RTP2: variants seen among roughly 807,000 people sequenced by gnomAD.
RTP2 encodes receptor-transporting protein 2.
Under a neutral mutation model 17.9 loss-of-function variants are expected in RTP2, and 12 were observed. The ratio of observed to expected loss-of-function variants is 0.67; its 90% CI spans 0.43 to 1.09. RTP2 has a LOEUF of 1.09. RTP2 is among the 50% of genes least tolerant of loss of function. The probability of loss-of-function intolerance (pLI) is 0.00; values close to 1 mark genes in which losing one functional copy is unlikely to be tolerated. For missense variants in RTP2, 327 were observed against 295.7 expected, an observed-to-expected ratio of 1.11 and a Z score of -0.78; for synonymous variants, 126 against 117.7, an observed-to-expected ratio of 1.07 and a Z score of -0.46.
At chr3:187,711,447 G>A in the RTP2 span, among the ~76,000 whole-genome samples, 1 of 152,136 alleles carries the variant, frequency 6.6e-6, no homozygotes, top group Non-Finnish European at 1.5e-5. Flanking sequence ...TGTTTTGAAG[G>A]AATTTTTTAA....
At chr3:187,700,269 G>T (rs527946044) in intron 1 of RTP2, among the ~76,000 whole-genome samples, 110 of 152,230 alleles carry the variant, frequency 7.2e-4, no homozygotes, top group Non-Finnish European at 1.3e-3. Flanking sequence ...GGCCCAAGGT[G>T]GGGTTGGCAG....
At chr3:187,704,922 T>C (rs1218540342), upstream of RTP2, among the ~76,000 whole-genome samples, 2 of 152,174 alleles carry the variant, frequency 1.3e-5, no homozygotes, top group Non-Finnish European at 2.9e-5. Context: ...GCCCTTTTAT[T>C]AATTGGCAGC....
upstream of RTP2, among the ~76,000 whole-genome samples, chr3:187,705,171 GA>G (rs144908331): frequency 0.014 from 2,097 of 148,922 alleles, 50 homozygotes; most frequent in African/African-American, 0.048. Flanking sequence ...ATGCAAGGGA[GA>G]AAAAAAAAAG....
At chr3:187,709,937 T>C in the RTP2 span, among the ~76,000 whole-genome samples, 2 of 152,186 alleles carry the variant, frequency 1.3e-5, no homozygotes, top group Non-Finnish European at 2.9e-5. Context: ...TAATTTTATA[T>C]GTCAACTTCG....
chr3:187,710,779 G>A, the RTP2 span, among the ~76,000 whole-genome samples: 1 of 151,992 alleles, frequency 6.6e-6, no homozygotes, highest in Non-Finnish European at 1.5e-5. Context: ...CTGGGTTTTC[G>A]ACTTGAGGAT....
the RTP2 span, among the ~76,000 whole-genome samples, chr3:187,708,899 C>T: frequency 6.6e-6 from 1 of 151,432 alleles, no homozygotes; most frequent in Admixed American, 6.6e-5. Context: ...GATTTGGACT[C>T]ATACAATCTG....
chr3:187,702,258 C>A (rs1717872429), exon 1 of RTP2: 2 of 855,436 alleles, frequency 2.3e-6, no homozygotes, highest in African/African-American at 1.7e-5. Flanking sequence ...TAAACAGGAC[C>A]CAGCTCCCTC....
the RTP2 span, chr3:187,715,683 A>G: frequency 2.2e-6 from 1 of 456,988 alleles, no homozygotes; most frequent in Non-Finnish European, 4.4e-6. Flanking sequence ...GAGAGCAAGA[A>G]GCAGAATGTC....
intron 1 of RTP2, among the ~76,000 whole-genome samples, chr3:187,699,560 G>T (rs914448970): frequency 6.6e-6 from 1 of 152,046 alleles, no homozygotes; most frequent in African/African-American, 2.4e-5. Flanking sequence ...TGATGGGATG[G>T]ACAGACCGGT....
chr3:187,700,178 G>C (rs546207394), intron 1 of RTP2, among the ~76,000 whole-genome samples: 27 of 152,246 alleles, frequency 1.8e-4, no homozygotes, highest in African/African-American at 6.5e-4. Flanking sequence ...ACTCAACCCA[G>C]GCTATGGGAT....
At position 187,702,100 on chromosome 3, in the gene RTP2, C is replaced by T; in HGVS notation, c.29G>A (p.Trp10Ter). 1 of 1,612,442 alleles carries T rather than the reference C, an allele frequency of 6.2e-7. No individual in the cohort carries two copies. The highest frequency in any genetic ancestry group is 1.1e-5 in the South Asian group (1 of 90,734). The change falls in exon 1 of 2, where the codon TGG becomes TAG. Residue 10 changes from tryptophan to a stop codon, truncating the protein, a stop_gained. Transcript: ENST00000358241. LOFTEE classifies it high-confidence loss of function. ...CATCTTCTCATAGAAGACTTTCTTC[C>T]ACTCACAAGTGGTCAAGCTGGTACA... is the stretch of plus-strand genomic sequence containing the variant.
At chr3:187,699,613 T>C (rs1255319430) in intron 1 of RTP2, among the ~76,000 whole-genome samples, 2 of 151,746 alleles carry the variant, frequency 1.3e-5, no homozygotes, top group Admixed American at 1.3e-4. Context: ...ACTACCAAGT[T>C]TAGTTACTAC....
intron 1 of RTP2, among the ~76,000 whole-genome samples, chr3:187,701,502 C>A (rs562410033): frequency 6.6e-6 from 1 of 152,146 alleles, no homozygotes; most frequent in African/African-American, 2.4e-5. Context: ...AGAGCCAGTT[C>A]GTAGCACACA....
upstream of RTP2, among the ~76,000 whole-genome samples, chr3:187,707,227 C>T (rs1436823969): frequency 6.6e-6 from 1 of 152,190 alleles, no homozygotes; most frequent in African/African-American, 2.4e-5. Flanking sequence ...ATGAGCTACC[C>T]TCAAAAGTCA....
At chr3:187,714,341 TG>T in the RTP2 span, among the ~76,000 whole-genome samples, 1 of 46,314 alleles carries the variant, frequency 2.2e-5, no homozygotes, top group Non-Finnish European at 1.0e-4. Flanking sequence ...CCCAAAGGAA[TG>T]ATTCAGAGTG....
At chr3:187,699,782 CAT>C (rs1553830576) in intron 1 of RTP2, among the ~76,000 whole-genome samples, 5,328 of 30,906 alleles carry the variant, frequency 0.17, 150 homozygotes, top group South Asian at 0.23. Flanking sequence ...CACACACACA[CAT>C]ATATTTTCTC....
chr3:187,702,690 A>T (rs966621748), upstream of RTP2: 1 of 402,186 alleles, frequency 2.5e-6, no homozygotes, highest in Non-Finnish European at 5.0e-6. Flanking sequence ...AGCAGATCAG[A>T]TCAGGAAACT....
chr3:187,713,557 G>T, the RTP2 span, among the ~76,000 whole-genome samples: 2 of 152,186 alleles, frequency 1.3e-5, no homozygotes, highest in Non-Finnish European at 2.9e-5. Flanking sequence ...ATACCCTCTA[G>T]AGGCTTCCCA....
At chr3:187,698,755 C>G in exon 2 of RTP2, 1 of 1,613,972 alleles carries the variant, frequency 6.2e-7, no homozygotes, top group Non-Finnish European at 8.5e-7. Flanking sequence ...CGGCTGGCCA[C>G]GTGGATGCGG....
Sources: gnomAD v4.1 joint callset for allele counts (sites outside exome capture counted in the v4.1 genomes callset) on GRCh38, gnomAD v4.1.1 for gene constraint, MANE v1.5 for transcripts, NCBI Gene and HGNC (gene_info 2026-07-23, HGNC 2026-07-21) for gene names.